Variants in LRRTM4 observed in about 807,000 individuals in gnomAD.
LRRTM4 encodes the protein leucine rich repeat transmembrane neuronal 4.
A neutral mutation model predicts 47.6 loss-of-function variants in LRRTM4; 25 were observed. That is an observed-to-expected ratio of 0.53 (90% CI 0.38 to 0.73). LRRTM4 has a LOEUF of 0.73. Among genes scored for constraint, LRRTM4 ranks in the 30% least tolerant of loss-of-function variants. LRRTM4 has a pLI of 0.00. For synonymous variants in LRRTM4, 311 were observed against 269.5 expected (o/e 1.15, Z -1.51); for missense variants, 638 against 713.4 (o/e 0.89, Z 1.20).
rs538514485 is a variant in LRRTM4, at chr2:77,468,154, C to CA, written c.1551+50163dup. On this transcript the variant is annotated intron_variant, in intron 3 of 3. Coordinates refer to ENST00000409884, the MANE Select transcript of LRRTM4 (RefSeq NM_001134745.3). ...TTTATACCCTCCCATTACTTTTTCT[C>CA]AAAAAAATAGAAACTAAAGGATAGG... 2.8e-3 allele frequency among the ~76,000 whole-genome samples: 420 copies of CA among 151,938 alleles called. 1 individual carries two copies. Among genetic ancestry groups the CA allele is most frequent in the Non-Finnish European group, 4.4e-3 (297 of 67,950 alleles).
chr2:77,366,391 A>G (rs1275498423), intron 3 of LRRTM4, among the ~76,000 whole-genome samples: 1 of 151,708 alleles, frequency 6.6e-6, no homozygotes, highest in Non-Finnish European at 1.5e-5. Context: ...CTAATCACTC[A>G]CTACTCAAAT....
intron 3 of LRRTM4, among the ~76,000 whole-genome samples, chr2:77,447,334 A>G (rs1676091761): frequency 6.6e-6 from 1 of 152,044 alleles, no homozygotes; most frequent in Admixed American, 6.6e-5. Flanking sequence ...GTATATTTAT[A>G]TGTGTACAGA....
intron 3 of LRRTM4, among the ~76,000 whole-genome samples, chr2:77,030,155 G>A (rs559987171): frequency 5.3e-5 from 8 of 152,124 alleles, no homozygotes; most frequent in Non-Finnish European, 8.8e-5. Context: ...TAAATAGGCC[G>A]GACATGGTGG....
At chr2:77,146,940 A>G (rs1432454590) in intron 3 of LRRTM4, among the ~76,000 whole-genome samples, 1 of 152,190 alleles carries the variant, frequency 6.6e-6, no homozygotes, top group Non-Finnish European at 1.5e-5. Context: ...AGTTTATCTG[A>G]CAAAGCAATT....
chr2:77,203,931 T>C (rs902023095), intron 3 of LRRTM4, among the ~76,000 whole-genome samples: 2 of 152,226 alleles, frequency 1.3e-5, no homozygotes, highest in African/African-American at 4.8e-5. Flanking sequence ...TTTTCCTTCT[T>C]TTAGGTCACA....
intron 3 of LRRTM4, among the ~76,000 whole-genome samples, chr2:77,479,616 C>G (rs1262914030): frequency 5.3e-5 from 8 of 152,162 alleles, no homozygotes. Flanking sequence ...TGTAAGTCAT[C>G]CAGAGCCACA....
chr2:76,992,187 T>G (rs969355429), intron 3 of LRRTM4, among the ~76,000 whole-genome samples: 4 of 151,770 alleles, frequency 2.6e-5, no homozygotes, highest in African/African-American at 9.7e-5. Flanking sequence ...TCATAATGGG[T>G]GGGCAAATGC....
chr2:77,470,568 G>C (rs956573564), intron 3 of LRRTM4, among the ~76,000 whole-genome samples: 1 of 152,052 alleles, frequency 6.6e-6, no homozygotes, highest in African/African-American at 2.4e-5. Context: ...GTTACATCAG[G>C]TGCTATGAGA....
chr2:77,111,713 T>G (rs558377158), intron 3 of LRRTM4, among the ~76,000 whole-genome samples: 61 of 152,196 alleles, frequency 4.0e-4, no homozygotes, highest in African/African-American at 1.4e-3. Context: ...AAGTAACCCT[T>G]ATTTAACTTA....
chr2:77,512,950 G>A (rs994012323), intron 3 of LRRTM4, among the ~76,000 whole-genome samples: 18 of 152,042 alleles, frequency 1.2e-4, no homozygotes, highest in African/African-American at 3.6e-4. Context: ...TAGCTATGTC[G>A]GTCTTTTTTT....
At chr2:77,233,395 A>C (rs1675018601) in intron 3 of LRRTM4, among the ~76,000 whole-genome samples, 1 of 152,186 alleles carries the variant, frequency 6.6e-6, no homozygotes, top group Admixed American at 6.5e-5. Flanking sequence ...GAAATATTAA[A>C]GTTACCTCCA....
intron 3 of LRRTM4, among the ~76,000 whole-genome samples, chr2:77,059,790 A>G (rs1241625783): frequency 6.6e-6 from 1 of 152,158 alleles, no homozygotes; most frequent in Non-Finnish European, 1.5e-5. Flanking sequence ...TTTTACCCAC[A>G]TCTTAAAGTC....
chr2:76,932,342 A>T (rs116501222), intron 3 of LRRTM4, among the ~76,000 whole-genome samples: 1,570 of 152,216 alleles, frequency 0.01, 30 homozygotes, highest in African/African-American at 0.036. Context: ...ATTGTCTTCC[A>T]CCAATAACTC....
At chr2:77,277,019 C>T (rs755581718) in intron 3 of LRRTM4, among the ~76,000 whole-genome samples, 33 of 151,674 alleles carry the variant, frequency 2.2e-4, no homozygotes, top group Admixed American at 4.0e-4. Context: ...ATTCTGTGCT[C>T]GCCTATGTTC....
intron 3 of LRRTM4, among the ~76,000 whole-genome samples, chr2:77,454,843 T>C (rs570141156): frequency 1.4e-4 from 22 of 152,306 alleles, no homozygotes; most frequent in Middle Eastern, 6.8e-3. Flanking sequence ...TGAGTTTTCT[T>C]CTTTCTTTGT....
chr2:77,062,005 G>A (rs181362635), intron 3 of LRRTM4, among the ~76,000 whole-genome samples: 4 of 152,252 alleles, frequency 2.6e-5, no homozygotes, highest in East Asian at 1.9e-4. Context: ...AGTACAGTAC[G>A]ATGAAAATAG....
chr2:76,875,377 A>G (rs1485513068), intron 3 of LRRTM4, among the ~76,000 whole-genome samples: 1 of 152,000 alleles, frequency 6.6e-6, no homozygotes, highest in East Asian at 1.9e-4. Context: ...TTTGTATGTG[A>G]CTCATCATAT....
At chr2:77,044,506 T>C (rs535690415) in intron 3 of LRRTM4, among the ~76,000 whole-genome samples, 149 of 146,302 alleles carry the variant, frequency 1.0e-3, no homozygotes, top group Non-Finnish European at 1.8e-3. Flanking sequence ...CTTATAATAA[T>C]GTATTTTTCT....
At chr2:77,084,457 T>C (rs572111258) in intron 3 of LRRTM4, among the ~76,000 whole-genome samples, 3 of 152,348 alleles carry the variant, frequency 2.0e-5, no homozygotes, top group South Asian at 4.1e-4. Context: ...ATGTTTACCA[T>C]GTTGTGTTCT....
Sources: gnomAD v4.1 joint callset for allele counts (sites outside exome capture counted in the v4.1 genomes callset) on GRCh38, gnomAD v4.1.1 for gene constraint, MANE v1.5 for transcripts, NCBI Gene and HGNC (gene_info 2026-07-23, HGNC 2026-07-21) for gene names.